Variants in CTNNA3 observed in about 807,000 individuals in gnomAD.
CTNNA3 encodes catenin alpha-3.
CTNNA3 carries 76 observed loss-of-function variants against 95.7 expected under a neutral mutation model. The observed-to-expected ratio is 0.79, with a 90% confidence interval of 0.66 to 0.96. The LOEUF is 0.96. Among genes scored for constraint, CTNNA3 ranks in the 40% least tolerant of loss-of-function variants. CTNNA3 has a pLI of 0.00. For synonymous variants in CTNNA3, 431 were observed against 374.4 expected (o/e 1.15, Z -1.74); for missense variants, 1,191 against 1,089.8 (o/e 1.09, Z -1.31).
intron 2 of CTNNA3, among the ~76,000 whole-genome samples, chr10:67,614,548 T>C (rs538833514): frequency 5.3e-5 from 8 of 152,214 alleles, no homozygotes; most frequent in Admixed American, 4.6e-4. Context: ...CACTTTCCCA[T>C]GAGAATCTAA....
Position 66,659,496 on chromosome 10 carries a change from A to G in CTNNA3, c.1282-37712T>C, listed in dbSNP as rs150534020. Among the ~76,000 whole-genome samples the G allele has an allele frequency of 3.5e-3, 526 of 152,294 alleles. 3 individuals carry two copies. Among genetic ancestry groups the G allele is most frequent in the Middle Eastern group, 0.014 (4 of 294 alleles). On this transcript the variant is annotated intron_variant, in intron 9 of 17. Transcript: ENST00000433211. ...TGTGAGAAAAGACTTAGAAAGACCT[A>G]TTGTGTACTTACAAGGAATATTTAA...
At chr10:66,588,191 T>G (rs1221771865) in intron 10 of CTNNA3, among the ~76,000 whole-genome samples, 1 of 151,934 alleles carries the variant, frequency 6.6e-6, no homozygotes, top group Admixed American at 6.6e-5. Flanking sequence ...TCTGCCTCCA[T>G]GGCCTGAATT....
chr10:67,623,025 A>T (rs73268200), intron 2 of CTNNA3, among the ~76,000 whole-genome samples: 20,194 of 152,136 alleles, frequency 0.13, 2,405 homozygotes, highest in African/African-American at 0.32. Flanking sequence ...CCCTACAAGA[A>T]CACTCTATGT....
intron 7 of CTNNA3, among the ~76,000 whole-genome samples, chr10:67,133,368 T>TAC (rs1203289486): frequency 0.083 from 9,814 of 117,726 alleles, 519 homozygotes; most frequent in African/African-American, 0.16. Context: ...CATACATACA[T>TAC]ATATATATAT....
At chr10:67,028,392 C>T (rs1853518214) in intron 7 of CTNNA3, among the ~76,000 whole-genome samples, 1 of 151,772 alleles carries the variant, frequency 6.6e-6, no homozygotes, top group Non-Finnish European at 1.5e-5. Flanking sequence ...GCATGACTTC[C>T]AGTATTTAAC....
intron 2 of CTNNA3, among the ~76,000 whole-genome samples, chr10:67,626,034 T>C (rs1838940133): frequency 6.6e-6 from 1 of 151,974 alleles, no homozygotes; most frequent in African/African-American, 2.4e-5. Flanking sequence ...TTTAAAAAAT[T>C]AGCCAGGTGT....
At chr10:67,036,524 C>T (rs992722268) in intron 7 of CTNNA3, among the ~76,000 whole-genome samples, 7 of 151,936 alleles carry the variant, frequency 4.6e-5, no homozygotes, top group Admixed American at 2.6e-4. Flanking sequence ...CTTAGCCGGG[C>T]GTGGTGGCAG....
At chr10:67,254,282 A>T (rs747447620) in intron 5 of CTNNA3, among the ~76,000 whole-genome samples, 2 of 152,154 alleles carry the variant, frequency 1.3e-5, no homozygotes, top group Non-Finnish European at 2.9e-5. Context: ...ATTGCAGCTA[A>T]GAAAAGCCCC....
At chr10:67,257,753 T>C (rs931712920) in intron 5 of CTNNA3, among the ~76,000 whole-genome samples, 2 of 152,118 alleles carry the variant, frequency 1.3e-5, no homozygotes, top group Non-Finnish European at 2.9e-5. Context: ...TTTTCTTTAA[T>C]TAAAAACAAT....
chr10:66,763,679 C>A (rs1199554999), intron 9 of CTNNA3, among the ~76,000 whole-genome samples: 1 of 152,140 alleles, frequency 6.6e-6, no homozygotes, highest in East Asian at 1.9e-4. Context: ...ATTGGTTTGA[C>A]CAATAGAATA....
intron 7 of CTNNA3, among the ~76,000 whole-genome samples, chr10:66,796,943 G>T (rs10733828): frequency 0.83 from 126,865 of 151,938 alleles, 53,373 homozygotes; most frequent in East Asian, 1. Flanking sequence ...GGTTTTTCAT[G>T]ATTATTATTT....
At chr10:67,762,534 C>T (rs1841467557) in intron 1 of CTNNA3, among the ~76,000 whole-genome samples, 2 of 152,076 alleles carry the variant, frequency 1.3e-5, no homozygotes, top group South Asian at 2.1e-4. Flanking sequence ...TAAACATTAT[C>T]AACATTCAAC....
intron 6 of CTNNA3, among the ~76,000 whole-genome samples, chr10:67,203,385 C>T (rs1043932503): frequency 1.3e-5 from 2 of 152,156 alleles, no homozygotes; most frequent in Admixed American, 6.5e-5. Flanking sequence ...GCCTCCCTAG[C>T]CATGTGGAAC....
At chr10:67,744,492 A>G (rs1841362104) in intron 1 of CTNNA3, among the ~76,000 whole-genome samples, 1 of 151,506 alleles carries the variant, frequency 6.6e-6, no homozygotes, top group East Asian at 1.9e-4. Context: ...CACCTTATAC[A>G]AAAATCAATT....
intron 5 of CTNNA3, among the ~76,000 whole-genome samples, chr10:67,449,526 C>T (rs1305372042): frequency 6.6e-6 from 1 of 152,126 alleles, no homozygotes; most frequent in Non-Finnish European, 1.5e-5. Flanking sequence ...ACTATGTGAT[C>T]TTTGACAAAT....
intron 9 of CTNNA3, among the ~76,000 whole-genome samples, chr10:66,746,223 G>A (rs190097088): frequency 6.6e-6 from 1 of 151,964 alleles, no homozygotes; most frequent in Admixed American, 6.6e-5. Context: ...ATAATATTAG[G>A]AAAACAAATT....
chr10:67,630,535 T>C (rs1839110425), intron 2 of CTNNA3, among the ~76,000 whole-genome samples: 1 of 152,144 alleles, frequency 6.6e-6, no homozygotes. Flanking sequence ...TTGGGGGTTG[T>C]CTTCTTATCA....
rs2091886385 is a variant in CTNNA3 at position 66,303,095 on chromosome 10, G to A, written c.1733-22474C>T. ...ACATTCACAAAAATTTACCGCAAACGTGATATTCAAATGTAAAATGTTACA... is the reference window on the plus strand; with the variant it reads ...ACATTCACAAAAATTTACCGCAAACATGATATTCAAATGTAAAATGTTACA... On this transcript the variant is annotated intron_variant, in intron 12 of 17. Coordinates refer to ENST00000433211, the MANE Select transcript of CTNNA3 (RefSeq NM_013266.4). Among the ~76,000 whole-genome samples, 5 of 152,142 alleles carry A rather than the reference G, an allele frequency of 3.3e-5. No homozygotes were observed. The South Asian group carries it at 6.2e-4, about 19-fold the overall frequency.
intron 9 of CTNNA3, among the ~76,000 whole-genome samples, chr10:66,631,059 G>GT (rs1489272947): frequency 1.5e-4 from 23 of 152,158 alleles, no homozygotes; most frequent in Non-Finnish European, 1.6e-4. Context: ...GATGACTGTA[G>GT]TAAGAGTGTT....
Sources: gnomAD v4.1 joint callset for allele counts (sites outside exome capture counted in the v4.1 genomes callset) on GRCh38, gnomAD v4.1.1 for gene constraint, MANE v1.5 for transcripts, NCBI Gene and HGNC (gene_info 2026-07-23, HGNC 2026-07-21) for gene names.